IL13RA2: variants seen among roughly 807,000 people sequenced by gnomAD.
IL13RA2 encodes interleukin-13 receptor subunit alpha-2.
Under a neutral mutation model 34.1 loss-of-function variants are expected in IL13RA2, and 25 were observed. The ratio of observed to expected loss-of-function variants is 0.73; its 90% CI spans 0.53 to 1.03. IL13RA2 has a LOEUF of 1.03. Among genes scored for constraint, IL13RA2 ranks in the 50% least tolerant of loss-of-function variants. The pLI, the probability that IL13RA2 is intolerant of heterozygous loss-of-function variation, is 0.00. For missense variants in IL13RA2, 297 were observed against 280.9 expected, an observed-to-expected ratio of 1.06 and a Z score of -0.41; for synonymous variants, 106 against 100.4, an observed-to-expected ratio of 1.06 and a Z score of -0.33.
chrX:115,010,948 A>C (rs1251951907), intron 5 of IL13RA2, 120 bp from the exon 6 acceptor site: 3 of 352,167 alleles, frequency 8.5e-6, no homozygotes, highest in East Asian at 9.1e-5. Flanking sequence ...ATAATGTACA[A>C]TATTTATTAA....
Position 115,005,094 on chromosome X carries a change from C to T in IL13RA2, c.1116+103G>A, listed in dbSNP as rs1323765660. The T allele has an allele frequency of 1.4e-5, 7 of 509,681 alleles. No individual in the cohort carries two copies. The Admixed American group carries it at 1.5e-4, about 11-fold the overall frequency. 42.0% of individuals were successfully genotyped at this position (509,681 alleles called of 1,213,427 possible). A position where few individuals can be genotyped will look rare whatever the true frequency, so the allele number is the denominator to read the frequency against. On this transcript the variant is annotated intron_variant, in intron 9 of 9. Coordinates refer to ENST00000243213, the MANE Select transcript of IL13RA2 (RefSeq NM_000640.3). ...TACGGAATCAATTGTACACCCACAG[C>T]GAACAAGCAAAATTATAAAATGTAT...
chrX:115,016,572 CAACAAATAAT>C (rs1324159683), intron 2 of IL13RA2, among the ~76,000 whole-genome samples: 1 of 105,969 alleles, frequency 9.4e-6, no homozygotes, highest in Non-Finnish European at 1.9e-5. Context: ...CAAATAAGAA[CAACAAATAAT>C]AACAAATAAT....
chrX:115,007,984 A>G lies in IL13RA2; in HGVS notation c.945T>C (p.Tyr315=). Residue 315 remains tyrosine (Y), a synonymous_variant, in exon 8 of 10, where the codon TAT becomes TAC. Transcript: ENST00000243213. ...CACTCCAAATTCCGTCATCTGAGCA[A>G]TAAATATTCACTTTGCTTCTTACTA... ...CFVVRSKVNI[Y]CSDDGIWSEW... 2 of 1,115,470 alleles carry G rather than the reference A, an allele frequency of 1.8e-6. No individual in the cohort carries two copies. Among genetic ancestry groups the G allele is most frequent in the Non-Finnish European group, 2.5e-6 (2 of 809,251 alleles). 91.9% of individuals were successfully genotyped at this position (1,115,470 alleles called of 1,213,427 possible). A position where few individuals can be genotyped will look rare whatever the true frequency, so the allele number is the denominator to read the frequency against.
At chrX:115,006,711 A>G (rs2071686734) in intron 8 of IL13RA2, among the ~76,000 whole-genome samples, 1 of 111,810 alleles carries the variant, frequency 8.9e-6, no homozygotes, top group South Asian at 3.8e-4. Context: ...CCCTCAAAGC[A>G]AGAGAAATCT....
intron 5 of IL13RA2, among the ~76,000 whole-genome samples, 187 bp downstream of exon 5, chrX:115,013,582 C>T (rs1487686185): frequency 9.0e-6 from 1 of 111,425 alleles, no homozygotes; most frequent in Non-Finnish European, 1.9e-5. Flanking sequence ...GAATACCTTC[C>T]AGTATCTACA....
chrX:115,016,750 T>A (rs941359990), intron 2 of IL13RA2, among the ~76,000 whole-genome samples: 5 of 107,246 alleles, frequency 4.7e-5, no homozygotes, highest in Non-Finnish European at 9.6e-5. Flanking sequence ...ATTAAATAAT[T>A]CTAATTATTT....
intron 6 of IL13RA2, 45 bp downstream of exon 6, chrX:115,010,598 TA>T: frequency 1.7e-6 from 1 of 587,355 alleles, no homozygotes; most frequent in Non-Finnish European, 2.7e-6. Context: ...GTAAATGGCC[TA>T]AACTAGAAAC....
chrX:115,009,624 C>G lies in IL13RA2; in HGVS notation c.749G>C (p.Ser250Thr). Reference sequence around the variant, plus strand: ...CCATTTCAGCTTAATTTCACATGAACTCTCCCGAGTAAAAGTAAGATAGAC... The same window carrying G: ...CCATTTCAGCTTAATTTCACATGAAGTCTCCCGAGTAAAAGTAAGATAGAC... ...PPVYLTFTRE[S>T]SCEIKLKWSI... Residue 250 changes from serine (S) to threonine (T), a missense_variant, in exon 7 of 10, where the codon AGT (serine) becomes ACT (threonine). Transcript: ENST00000243213. The G allele has an allele frequency of 3.3e-6, 4 of 1,205,084 alleles. No individual in the cohort carries two copies. The highest frequency in any genetic ancestry group is 3.0e-5 in the East Asian group (1 of 33,803).
At position 115,017,080 on chromosome X, in the gene IL13RA2, C is replaced by A. The variant is rs1556510289; in HGVS notation, c.94+96G>T. 3 of 535,402 alleles carry A rather than the reference C, an allele frequency of 5.6e-6. No individual in the cohort carries two copies. In the African/African-American group the frequency reaches 7.1e-5, roughly 13 times the overall value. The allele number at this position is 535,402 out of a possible 1,213,427, so 44.1% of individuals were successfully genotyped here. On this transcript the variant is annotated intron_variant, in intron 2 of 9. Transcript: ENST00000243213. ...TCATCTACTAGTTAGTTATGCACTT[C>A]CATAAGGCAGGTCAAAAAGACAGTT...
chrX:115,006,860 T>C (rs1384642552), intron 8 of IL13RA2, among the ~76,000 whole-genome samples: 1 of 112,196 alleles, frequency 8.9e-6, no homozygotes, highest in Non-Finnish European at 1.9e-5. Flanking sequence ...GACATAACTT[T>C]AGAGTTTCCT....
Position 115,014,476 on chromosome X carries a change from A to T in IL13RA2, c.345T>A (p.Asn115Lys), listed in dbSNP as rs782315832. The T allele has an allele frequency of 5.0e-6, 6 of 1,189,406 alleles. No individual in the cohort carries two copies. The highest frequency in any genetic ancestry group is 6.8e-6 in the Non-Finnish European group (6 of 878,973). Residue 115 changes from asparagine to lysine, a missense_variant, in exon 4 of 10, where the codon AAT (asparagine) becomes AAA (lysine). Asn to Lys is a moderately conservative substitution (Grantham distance 94, BLOSUM62 0). Transcript: ENST00000243213. ...CCCAGGAACTTTGAACTTCTGATCC[A>T]TTTGTGCATTGCCATGGTAAAAGCG... ...IHTLLPWQCT[N>K]GSEVQSSWAE...
intron 8 of IL13RA2, among the ~76,000 whole-genome samples, chrX:115,006,685 A>G (rs979379070): frequency 1.8e-5 from 2 of 111,595 alleles, no homozygotes; most frequent in African/African-American, 6.5e-5. Context: ...TCTGTACCAA[A>G]AAAAGGAAAA....
At chrX:115,007,244 G>A (rs1333927208) in intron 8 of IL13RA2, among the ~76,000 whole-genome samples, 1 of 111,826 alleles carries the variant, frequency 8.9e-6, no homozygotes, top group African/African-American at 3.2e-5. Flanking sequence ...TGATAGATAT[G>A]GCAGTATCTG....
chrX:115,009,842 A>G (rs1211105803), intron 6 of IL13RA2, among the ~76,000 whole-genome samples, 176 bp from the exon 7 acceptor site: 1 of 111,965 alleles, frequency 8.9e-6, no homozygotes, highest in Non-Finnish European at 1.9e-5. Context: ...AGATGAGTTT[A>G]TTAACAAACT....
At position 115,007,935 on chromosome X, in the gene IL13RA2, C is replaced by T; in HGVS notation, c.994G>A (p.Glu332Lys). 9.0e-7 allele frequency: 1 copy of T among 1,107,458 alleles called. No homozygotes were observed. Among genetic ancestry groups the T allele is most frequent in the Non-Finnish European group, 1.2e-6 (1 of 805,013 alleles). 91.3% of individuals were successfully genotyped at this position (1,107,458 alleles called of 1,213,427 possible). A position where few individuals can be genotyped will look rare whatever the true frequency, so the allele number is the denominator to read the frequency against. The change falls in exon 8 of 10, where the codon GAA (glutamate) becomes AAA (lysine). Residue 332 changes from glutamate (E) to lysine (K), a missense_variant. By Grantham distance (56) the Glu-to-Lys change is moderately conservative. Coordinates refer to ENST00000243213, the MANE Select transcript of IL13RA2 (RefSeq NM_000640.3). ...TTACTGTCCTTTTAGCTCATACCTTCCCAGCATTGTTTATCACTCCACTCA... is the reference window on the plus strand; with the variant it reads ...TTACTGTCCTTTTAGCTCATACCTTTCCAGCATTGTTTATCACTCCACTCA... ...WSEWSDKQCW[E>K]GEDLSKKTLL... is the part of the protein sequence containing the mutation.
chrX:115,015,868 C>G, intron 2 of IL13RA2, 47 bp from the exon 3 acceptor site: 1 of 893,563 alleles, frequency 1.1e-6, no homozygotes. Context: ...TATTTTATGA[C>G]AAATATTGCT....
Position 115,008,049 on chromosome X carries a change from T to G in IL13RA2, c.880A>C (p.Thr294Pro). Residue 294 changes from threonine (T) to proline (P), a missense_variant, in exon 8 of 10, where the codon ACC (threonine) becomes CCC (proline). Transcript: ENST00000243213. Reference sequence around the variant, plus strand: ...CGGGTTTCATTTGTTGTTTTCAAGGTGTATGTTTCATTTTCAACTGTAGCA... The same window carrying G: ...CGGGTTTCATTTGTTGTTTTCAAGGGGTATGTTTCATTTTCAACTGTAGCA... ...VTATVENETY[T>P]LKTTNETRQL... 1 of 1,161,351 alleles carries G rather than the reference T, an allele frequency of 8.6e-7. No homozygotes were observed. Among genetic ancestry groups the G allele is most frequent in the East Asian group, 3.0e-5 (1 of 33,419 alleles).
Position 115,017,282 on chromosome X carries a change from T to G in IL13RA2, c.-13A>C. 1.4e-6 allele frequency: 1 copy of G among 735,789 alleles called. No homozygotes were observed. The highest frequency in any genetic ancestry group is 2.2e-6 in the Non-Finnish European group (1 of 464,115). The allele number at this position is 735,789 out of a possible 1,213,427, so 60.6% of individuals were successfully genotyped here. A position where few individuals can be genotyped will look rare whatever the true frequency, so the allele number is the denominator to read the frequency against. ...AAACGAAAGCCATTTCTCCGAGATT[T>G]AAAACCTTGATATTGCCTCTCTATG... is the stretch of plus-strand genomic sequence containing the variant. On this transcript the variant is annotated 5_prime_UTR_variant, in exon 2 of 10. Coordinates refer to ENST00000243213, the MANE Select transcript of IL13RA2 (RefSeq NM_000640.3).
At chrX:115,006,658 G>A (rs1556507668) in intron 8 of IL13RA2, among the ~76,000 whole-genome samples, 5 of 111,344 alleles carry the variant, frequency 4.5e-5, no homozygotes, top group African/African-American at 1.6e-4. Flanking sequence ...ACTCCAGCCT[G>A]GGTGATAGAG....
Sources: allele counts gnomAD v4.1 joint callset (sites outside exome capture counted in the v4.1 genomes callset), GRCh38; gene constraint gnomAD v4.1.1; transcripts MANE v1.5; gene names NCBI Gene and HGNC (gene_info 2026-07-23, HGNC 2026-07-21).